SMARCC1: variants seen among roughly 807,000 people sequenced by gnomAD.
The protein encoded by SMARCC1 is SWI/SNF complex subunit SMARCC1.
Under a neutral mutation model 147.4 loss-of-function variants are expected in SMARCC1, and 43 were observed. That is an observed-to-expected ratio of 0.29 (90% CI 0.23 to 0.38). SMARCC1 has a LOEUF of 0.38. Among genes scored for constraint, SMARCC1 ranks in the 10% least tolerant of loss-of-function variants. The pLI is 1.00. For synonymous variants in SMARCC1, 495 were observed against 484.4 expected, an observed-to-expected ratio of 1.02 and a Z score of -0.29; for missense variants, 1,119 against 1,381.1, an observed-to-expected ratio of 0.81 and a Z score of 3.01.
At chr3:47,768,668 A>G (rs1332501065) in intron 2 of SMARCC1, among the ~76,000 whole-genome samples, 1 of 152,200 alleles carries the variant, frequency 6.6e-6, no homozygotes. Flanking sequence ...AGCTAATTTG[A>G]TAATTCTAGC....
chr3:47,624,300 AAAAAT>A (rs1267498013), intron 24 of SMARCC1, among the ~76,000 whole-genome samples: 10 of 152,154 alleles, frequency 6.6e-5, no homozygotes, highest in South Asian at 2.1e-4. Flanking sequence ...AAAAAAAATA[AAAAAT>A]AAAATAAAAG....
intron 2 of SMARCC1, among the ~76,000 whole-genome samples, chr3:47,749,083 A>G (rs960417327): frequency 2.0e-5 from 3 of 152,100 alleles, no homozygotes; most frequent in Non-Finnish European, 4.4e-5. Context: ...TGGGTTGATC[A>G]CTTGAGGTCA....
chr3:47,701,863 A>T (rs1009678448), intron 10 of SMARCC1, among the ~76,000 whole-genome samples: 1 of 152,112 alleles, frequency 6.6e-6, no homozygotes, highest in African/African-American at 2.4e-5. Context: ...AAAAAATTAG[A>T]TAACTTCCCC....
At chr3:47,767,132 G>A (rs1260055122) in intron 2 of SMARCC1, among the ~76,000 whole-genome samples, 2 of 126,778 alleles carry the variant, frequency 1.6e-5, no homozygotes, top group Non-Finnish European at 3.2e-5. Context: ...GCAGTGAGCC[G>A]AGATCACACC....
chr3:47,657,636 T>C (rs2033280709), intron 21 of SMARCC1, among the ~76,000 whole-genome samples: 1 of 151,778 alleles, frequency 6.6e-6, no homozygotes, highest in Admixed American at 6.6e-5. Context: ...CCATCTCTAC[T>C]TAAAAACACA....
rs1041882033 is a variant in SMARCC1 at position 47,732,790 on chromosome 3, C to T, written c.576+3244G>A. Among the ~76,000 whole-genome samples the T allele has an allele frequency of 5.9e-5, 9 of 152,120 alleles. No homozygotes were observed. The East Asian group carries it at 1.5e-3, about 26-fold the overall frequency. ...AAATAGTATCAAATAGCACCTATCA[C>T]AGATCACTATAACATGTATAATAAT... On this transcript the variant is annotated intron_variant, in intron 5 of 27. Transcript: ENST00000254480.
rs760231040 is a variant in SMARCC1 at position 47,701,394 on chromosome 3, C to G, written c.1049G>C (p.Ser350Thr). 2.5e-6 allele frequency: 4 copies of G among 1,613,754 alleles called. No individual in the cohort carries two copies. The highest frequency in any genetic ancestry group is 3.4e-6 in the Non-Finnish European group (4 of 1,179,786). ...RKKSGKKGQA[S>T]LYGKRRSQKE... Reference sequence around the variant, plus strand: ...CTGACTTCTGCGCTTCCCATAAAGGCTAGCTTGGCTAAAACATACAAGTAT... The same window carrying G: ...CTGACTTCTGCGCTTCCCATAAAGGGTAGCTTGGCTAAAACATACAAGTAT... The change falls in exon 11 of 28, where the codon AGC (serine) becomes ACC (threonine). Residue 350 changes from serine to threonine, a missense_variant. By Grantham distance (58) the Ser-to-Thr change is moderately conservative. Transcript: ENST00000254480.
intron 2 of SMARCC1, among the ~76,000 whole-genome samples, chr3:47,771,145 G>A (rs1047737741): frequency 1.3e-5 from 2 of 152,048 alleles, no homozygotes; most frequent in African/African-American, 4.8e-5. Context: ...TCCTGACATC[G>A]TGATCCGCCC....
intron 6 of SMARCC1, among the ~76,000 whole-genome samples, chr3:47,727,328 G>A (rs1362254928): frequency 1.3e-5 from 2 of 151,816 alleles, no homozygotes; most frequent in East Asian, 1.9e-4. Flanking sequence ...CCAAGACGGT[G>A]AAACCCCATC....
At chr3:47,721,742 G>T (rs942007561) in intron 6 of SMARCC1, among the ~76,000 whole-genome samples, 17 of 152,074 alleles carry the variant, frequency 1.1e-4, no homozygotes, top group African/African-American at 4.1e-4. Flanking sequence ...CAGGTGTGGT[G>T]GTTCATGCCT....
chr3:47,765,043 G>A (rs1167324609), intron 2 of SMARCC1, among the ~76,000 whole-genome samples: 1 of 152,128 alleles, frequency 6.6e-6, no homozygotes, highest in Non-Finnish European at 1.5e-5. Flanking sequence ...CCTGAGGTCG[G>A]GAGTTCAAGA....
intron 24 of SMARCC1, among the ~76,000 whole-genome samples, chr3:47,625,980 C>T (rs188900439): frequency 4.6e-5 from 7 of 151,950 alleles, no homozygotes; most frequent in Non-Finnish European, 8.8e-5. Flanking sequence ...ATAATGAGAC[C>T]CCGTTCTACA....
chr3:47,660,235 A>G (rs1404199459), intron 21 of SMARCC1, among the ~76,000 whole-genome samples: 1 of 152,060 alleles, frequency 6.6e-6, no homozygotes, highest in Non-Finnish European at 1.5e-5. Context: ...TCACGAGGTC[A>G]GGAGATCGAG....
chr3:47,615,328 C>T (rs1231472117), intron 25 of SMARCC1, among the ~76,000 whole-genome samples: 1 of 152,214 alleles, frequency 6.6e-6, no homozygotes, highest in Non-Finnish European at 1.5e-5. Flanking sequence ...AGCAGATGCT[C>T]AGTGAGTATT....
At chr3:47,742,266 C>CA (rs2034517748) in intron 3 of SMARCC1, among the ~76,000 whole-genome samples, 1 of 143,928 alleles carries the variant, frequency 6.9e-6, no homozygotes, top group Non-Finnish European at 1.5e-5. Context: ...GACTCCGTCT[C>CA]AAAAAAGAAA....
At chr3:47,640,386 CTA>C (rs1310818410) in intron 21 of SMARCC1, among the ~76,000 whole-genome samples, 1 of 151,716 alleles carries the variant, frequency 6.6e-6, no homozygotes, top group African/African-American at 2.4e-5. Context: ...CATAAACAAA[CTA>C]TATGAGGAAT....
At chr3:47,677,894 C>G (rs2033594216) in intron 16 of SMARCC1, among the ~76,000 whole-genome samples, 1 of 152,026 alleles carries the variant, frequency 6.6e-6, no homozygotes, top group African/African-American at 2.4e-5. Flanking sequence ...CTCATGCCTG[C>G]AATCACAATA....
intron 7 of SMARCC1, among the ~76,000 whole-genome samples, chr3:47,717,540 T>C (rs1361563293): frequency 6.6e-6 from 1 of 152,206 alleles, no homozygotes; most frequent in Non-Finnish European, 1.5e-5. Flanking sequence ...AATCGTGTCA[T>C]TTAATTGACA....
At chr3:47,727,787 C>A (rs1163304014) in intron 6 of SMARCC1, among the ~76,000 whole-genome samples, 1 of 151,714 alleles carries the variant, frequency 6.6e-6, no homozygotes, top group Non-Finnish European at 1.5e-5. Context: ...GGTTAAATTT[C>A]GCCATATTGG....
Sources: allele counts gnomAD v4.1 joint callset (sites outside exome capture counted in the v4.1 genomes callset), GRCh38; gene constraint gnomAD v4.1.1; transcripts MANE v1.5; gene names NCBI Gene and HGNC (gene_info 2026-07-23, HGNC 2026-07-21).